Variants in PLCH1 observed in about 807,000 individuals in gnomAD.
PLCH1 encodes the protein 1-phosphatidylinositol 4,5-bisphosphate phosphodiesterase eta-1.
PLCH1 carries 60 observed loss-of-function variants against 126.7 expected under a neutral mutation model. The observed-to-expected ratio is 0.47, with a 90% confidence interval of 0.38 to 0.59. PLCH1 has a LOEUF of 0.59. Among genes scored for constraint, PLCH1 ranks in the 20% least tolerant of loss-of-function variants. PLCH1 has a pLI of 0.00. For synonymous variants in PLCH1, 719 were observed against 734.9 expected (o/e 0.98, Z 0.35); for missense variants, 1,723 against 2,040.0 (o/e 0.84, Z 2.99).
At chr3:155,599,801 C>T (rs1358609312) in intron 2 of PLCH1, among the ~76,000 whole-genome samples, 3 of 152,164 alleles carry the variant, frequency 2.0e-5, no homozygotes, top group African/African-American at 7.2e-5. Context: ...GTATCTGACA[C>T]AGGGTCCTCT....
At chr3:155,657,129 A>G (rs974468254) in intron 2 of PLCH1, among the ~76,000 whole-genome samples, 1 of 152,120 alleles carries the variant, frequency 6.6e-6, no homozygotes, top group East Asian at 1.9e-4. Flanking sequence ...AGAATAGGTC[A>G]GAAAAGAGAC....
At chr3:155,691,107 G>A (rs895241171) in intron 2 of PLCH1, among the ~76,000 whole-genome samples, 5 of 152,118 alleles carry the variant, frequency 3.3e-5, no homozygotes, top group African/African-American at 9.7e-5. Flanking sequence ...AAAGAAACAA[G>A]TTTGTGTAAT....
rs991501903 is a variant in PLCH1, at chr3:155,559,993, G to A, written c.1069+4922C>T. 2.0e-5 allele frequency among the ~76,000 whole-genome samples: 3 copies of A among 152,144 alleles called. No homozygotes were observed. In the South Asian group the frequency reaches 6.2e-4, roughly 32 times the overall value. ...ACAAAGCTGGAGGTTTAGAAGTTTTGAGTCGGTATAAGGAATTAATGACAG... is the reference window on the plus strand; with the variant it reads ...ACAAAGCTGGAGGTTTAGAAGTTTTAAGTCGGTATAAGGAATTAATGACAG... On this transcript the variant is annotated intron_variant, in intron 8 of 22. Coordinates refer to ENST00000460012, the MANE Select transcript of PLCH1 (RefSeq NM_014996.4).
chr3:155,583,001 A>C lies in PLCH1; in HGVS notation c.771+471T>G, dbSNP rs970515186. On this transcript the variant is annotated intron_variant, in intron 6 of 22. Coordinates refer to ENST00000460012, the MANE Select transcript of PLCH1 (RefSeq NM_014996.4). ...TTACTATCAGAATTACCAATGACCTACCACAATAGTAGTTAAGAATTATGC... is the reference window on the plus strand; with the variant it reads ...TTACTATCAGAATTACCAATGACCTCCCACAATAGTAGTTAAGAATTATGC... Among the ~76,000 whole-genome samples the C allele has an allele frequency of 4.6e-5, 7 of 151,852 alleles. No homozygotes were observed. In the South Asian group the frequency reaches 1.2e-3, roughly 27 times the overall value.
At chr3:155,536,385 A>G (rs1723357756) in intron 10 of PLCH1, among the ~76,000 whole-genome samples, 1 of 152,242 alleles carries the variant, frequency 6.6e-6, no homozygotes, top group African/African-American at 2.4e-5. Context: ...TCAAGGATGC[A>G]CCAGAGACAG....
intron 2 of PLCH1, among the ~76,000 whole-genome samples, chr3:155,679,244 A>G (rs1249636095): frequency 1.3e-5 from 2 of 151,844 alleles, no homozygotes; most frequent in African/African-American, 4.8e-5. Flanking sequence ...TATTTTCTGT[A>G]TTTTTTTCCT....
chr3:155,712,595 C>T (rs1016144291), intron 1 of PLCH1, among the ~76,000 whole-genome samples: 2 of 151,928 alleles, frequency 1.3e-5, no homozygotes, highest in African/African-American at 4.8e-5. Flanking sequence ...CTTTAATTAG[C>T]CAGGAGAGGT....
At chr3:155,693,005 A>C (rs188177382) in intron 2 of PLCH1, among the ~76,000 whole-genome samples, 2 of 151,762 alleles carry the variant, frequency 1.3e-5, no homozygotes, top group Non-Finnish European at 2.9e-5. Context: ...GATGGTCTCG[A>C]TCTCCTGACC....
At chr3:155,665,359 A>G (rs13089059) in intron 2 of PLCH1, among the ~76,000 whole-genome samples, 24,159 of 152,232 alleles carry the variant, frequency 0.16, 2,411 homozygotes, top group East Asian at 0.43. Context: ...GCATTCAACT[A>G]TAGCCAAGAT....
chr3:155,638,374 T>C (rs1738982850), intron 2 of PLCH1, among the ~76,000 whole-genome samples: 1 of 152,236 alleles, frequency 6.6e-6, no homozygotes, highest in Non-Finnish European at 1.5e-5. Flanking sequence ...TTTAACCATG[T>C]ACATGTTCCC....
At chr3:155,567,382 A>G (rs1206473167) in intron 7 of PLCH1, among the ~76,000 whole-genome samples, 1 of 152,080 alleles carries the variant, frequency 6.6e-6, no homozygotes, top group African/African-American at 2.4e-5. Flanking sequence ...ATGATCTAAG[A>G]TTTTAAATTA....
At position 155,488,708 on chromosome 3, in the gene PLCH1, G is replaced by T; in HGVS notation, c.2491C>A (p.Arg831=). The change falls in exon 20 of 23, where the codon CGA becomes AGA. Residue 831 remains arginine (R), a synonymous_variant. Coordinates refer to ENST00000460012, the MANE Select transcript of PLCH1 (RefSeq NM_014996.4). The stretch of plus-strand genomic sequence containing the variant: ...ACAGTTCTTTGTCCAACAAAGTCTC[G>T]TCCAATGGGATCGTGATCCCACACA... ...FLVWDHDPIG[R]DFVGQRTVTF... is the part of the protein sequence containing the mutation. 2 of 1,613,922 alleles carry T rather than the reference G, an allele frequency of 1.2e-6. No homozygotes were observed. The highest frequency in any genetic ancestry group is 1.1e-5 in the South Asian group (1 of 91,068).
intron 7 of PLCH1, 78 bp from the exon 8 acceptor site, chr3:155,565,196 C>A: frequency 1.2e-6 from 1 of 856,088 alleles, no homozygotes; most frequent in South Asian, 1.6e-5. Context: ...CAAAAGGGGT[C>A]AAAAAATGTT....
At chr3:155,666,715 T>G (rs2108963481) in intron 2 of PLCH1, among the ~76,000 whole-genome samples, 1 of 152,328 alleles carries the variant, frequency 6.6e-6, no homozygotes, top group South Asian at 2.1e-4. Context: ...TTTGTTTAAG[T>G]TATTGCTTCT....
In PLCH1 at chr3:155,607,562, C is replaced by T. The variant is rs115016544; in HGVS notation, c.80-11184G>A. Among the ~76,000 whole-genome samples, 579 of 152,038 alleles carry T rather than the reference C, an allele frequency of 3.8e-3. 4 individuals carry two copies. The highest frequency in any genetic ancestry group is 0.013 in the African/African-American group (543 of 41,470). ...GCTCAGATGATCCTTCCACCTTAGC[C>T]TTCTGAGTGCTGGGAGTAGAGGTGC... On this transcript the variant is annotated intron_variant, in intron 2 of 22. Transcript: ENST00000460012.
At chr3:155,727,476 C>T (rs372876273) in intron 1 of PLCH1, among the ~76,000 whole-genome samples, 3 of 151,914 alleles carry the variant, frequency 2.0e-5, no homozygotes, top group African/African-American at 7.3e-5. Context: ...CAACCTCCCC[C>T]TCCTGGGCTC....
chr3:155,692,614 G>A (rs1745478739), intron 2 of PLCH1, among the ~76,000 whole-genome samples: 1 of 152,044 alleles, frequency 6.6e-6, no homozygotes, highest in Admixed American at 6.5e-5. Context: ...GCAACATCTT[G>A]TTCCGTACTG....
chr3:155,728,762 T>C (rs143366986), intron 1 of PLCH1, among the ~76,000 whole-genome samples: 1 of 152,286 alleles, frequency 6.6e-6, no homozygotes, highest in East Asian at 1.9e-4. Context: ...TTTATAGATA[T>C]ATATGCCTTC....
At chr3:155,658,144 C>T in intron 2 of PLCH1, 1 of 217,630 alleles carries the variant, frequency 4.6e-6, no homozygotes, top group Admixed American at 4.2e-5. Context: ...GCCTCGAAAG[C>T]TGTTGAGCCA....
Sources: gnomAD v4.1 joint callset for allele counts (sites outside exome capture counted in the v4.1 genomes callset) on GRCh38, gnomAD v4.1.1 for gene constraint, MANE v1.5 for transcripts, NCBI Gene and HGNC (gene_info 2026-07-23, HGNC 2026-07-21) for gene names.